Variants in ANKRD26 observed in about 807,000 individuals in gnomAD.
ANKRD26 encodes ankyrin repeat domain 26.
A neutral mutation model predicts 208.7 loss-of-function variants in ANKRD26; 141 were observed. The observed-to-expected ratio is 0.68, with a 90% CI of 0.59 to 0.78. The LOEUF is 0.78. Ranked by LOEUF, ANKRD26 falls within the 30% of genes least tolerant of loss-of-function variation. The pLI is 0.00. For synonymous variants in ANKRD26, 636 were observed against 660.4 expected, an observed-to-expected ratio of 0.96 and a Z score of 0.57; for missense variants, 1,889 against 1,938.7, an observed-to-expected ratio of 0.97 and a Z score of 0.48.
chr10:26,989,232 G>T (rs2134658778), downstream of ANKRD26, among the ~76,000 whole-genome samples: 1 of 152,134 alleles, frequency 6.6e-6, no homozygotes, highest in East Asian at 1.9e-4. Context: ...AATTTTGGGG[G>T]GGACTAAAGG....
chr10:27,090,878 T>C (rs1023123274), intron 4 of ANKRD26, among the ~76,000 whole-genome samples: 4 of 152,124 alleles, frequency 2.6e-5, no homozygotes, highest in African/African-American at 7.2e-5. Flanking sequence ...GGTGGATCAC[T>C]ACAGTCCAGG....
intron 12 of ANKRD26, among the ~76,000 whole-genome samples, chr10:27,062,965 A>G (rs976839793): frequency 1.3e-5 from 2 of 152,012 alleles, no homozygotes; most frequent in Admixed American, 1.3e-4. Flanking sequence ...ACGGGGTTTC[A>G]CCATGTTGGC....
downstream of ANKRD26, among the ~76,000 whole-genome samples, chr10:27,000,991 G>C (rs1375500361): frequency 6.6e-6 from 1 of 152,172 alleles, no homozygotes; most frequent in Non-Finnish European, 1.5e-5. Flanking sequence ...CTGGGCAACA[G>C]AGCGAGACTC....
At chr10:27,041,690 C>T (rs1417694886) in intron 20 of ANKRD26, among the ~76,000 whole-genome samples, 1 of 151,786 alleles carries the variant, frequency 6.6e-6, no homozygotes, top group Non-Finnish European at 1.5e-5. Flanking sequence ...GATTAACCAT[C>T]ACAAAAGAAA....
At chr10:26,990,163 T>C (rs1399778983), downstream of ANKRD26, among the ~76,000 whole-genome samples, 2 of 152,206 alleles carry the variant, frequency 1.3e-5, no homozygotes, top group Non-Finnish European at 2.9e-5. Flanking sequence ...GATTCCCTTC[T>C]AGGCCATTGT....
chr10:26,990,193 T>C (rs1342561594), downstream of ANKRD26, among the ~76,000 whole-genome samples: 1 of 152,130 alleles, frequency 6.6e-6, no homozygotes, highest in African/African-American at 2.4e-5. Flanking sequence ...TCTGCTTTGG[T>C]TATAGTTGTC....
chr10:27,014,971 A>G (rs1446470044), intron 30 of ANKRD26, among the ~76,000 whole-genome samples: 1 of 152,200 alleles, frequency 6.6e-6, no homozygotes, highest in African/African-American at 2.4e-5. Context: ...AATCAAAACA[A>G]TAAAGGCTGA....
At chr10:27,070,420 G>C (rs987440280) in intron 9 of ANKRD26, among the ~76,000 whole-genome samples, 4 of 151,964 alleles carry the variant, frequency 2.6e-5, no homozygotes, top group African/African-American at 9.7e-5. Flanking sequence ...AGAAAAGAAA[G>C]CTATGATTAT....
intron 6 of ANKRD26, among the ~76,000 whole-genome samples, chr10:27,079,655 A>C (rs749155225): frequency 2.0e-5 from 3 of 152,124 alleles, no homozygotes; most frequent in Non-Finnish European, 4.4e-5. Flanking sequence ...GGAGTTCGAG[A>C]TCAGCCTGGC....
chr10:27,006,991 G>A (rs1564348579), intron 32 of ANKRD26, 29 bp from the exon 33 acceptor site: 1 of 1,522,176 alleles, frequency 6.6e-7, no homozygotes, highest in Admixed American at 1.7e-5. Context: ...TATTTATAAT[G>A]TTTAAGTTAG....
the ANKRD26 span, among the ~76,000 whole-genome samples, chr10:26,960,989 C>A: frequency 2.0e-5 from 3 of 148,946 alleles, no homozygotes; most frequent in African/African-American, 7.4e-5. Flanking sequence ...GAGGCTGAGA[C>A]GGGCAGATCA....
chr10:27,067,117 T>G, intron 10 of ANKRD26, 40 bp downstream of exon 10: 1 of 1,604,304 alleles, frequency 6.2e-7, no homozygotes. Flanking sequence ...AGAATAGAAC[T>G]TAAGGATAGA....
chr10:27,079,304 G>T, intron 6 of ANKRD26, 143 bp from the exon 7 acceptor site: 1 of 697,720 alleles, frequency 1.4e-6, no homozygotes, highest in Non-Finnish European at 2.5e-6. Flanking sequence ...ATTAAATGAT[G>T]TTTCTTGATC....
intron 5 of ANKRD26, among the ~76,000 whole-genome samples, chr10:27,083,811 C>T (rs1402575155): frequency 6.6e-6 from 1 of 152,170 alleles, no homozygotes. Context: ...GCCAGCCATA[C>T]GGTTTTGTAA....
At chr10:26,996,897 T>C (rs532327758) in intron 4 of ANKRD26, among the ~76,000 whole-genome samples, 1 of 152,342 alleles carries the variant, frequency 6.6e-6, no homozygotes, top group South Asian at 2.1e-4. Context: ...TGTTTCCTTT[T>C]TCTGTCTTTA....
At chr10:26,959,949 C>A in the ANKRD26 span, among the ~76,000 whole-genome samples, 1 of 152,084 alleles carries the variant, frequency 6.6e-6, no homozygotes, top group Non-Finnish European at 1.5e-5. Flanking sequence ...CCTCTCCCAT[C>A]AAGAGGTGGT....
downstream of ANKRD26, chr10:27,004,003 C>G (rs188401767): frequency 2.0e-4 from 30 of 152,146 alleles, no homozygotes; most frequent in Non-Finnish European, 1.3e-4. Flanking sequence ...AACATTGAAC[C>G]AGTGTTAATA....
intron 5 of ANKRD26, among the ~76,000 whole-genome samples, chr10:27,084,338 A>G (rs1160770699): frequency 6.6e-6 from 1 of 152,136 alleles, no homozygotes; most frequent in Non-Finnish European, 1.5e-5. Context: ...ATAGAAATCA[A>G]TTAAAATACT....
At position 27,046,398 on chromosome 10, in the gene ANKRD26, A is replaced by G. The variant is rs368004242; in HGVS notation, c.1940T>C (p.Val647Ala). Residue 647 changes from valine (V) to alanine (A), a missense_variant, in exon 18 of 34, where the codon GTG (valine) becomes GCG (alanine). By Grantham distance (64) the Val-to-Ala change is moderately conservative. This residue lies in a region of ANKRD26 where 1,272 missense variants were observed against 1,273.8 expected (regional missense o/e 1.00). Coordinates refer to ENST00000376087, the MANE Select transcript of ANKRD26 (RefSeq NM_014915.3). ...ASLLTGGLLQ[V>A]DDDSSLSEID... ...TTCACTTAAACTGCTGTCATCATCC[A>G]CTTGTAGCAGGCCACCAGTTAGTAA... 2 of 1,613,972 alleles carry G rather than the reference A, an allele frequency of 1.2e-6. No individual in the cohort carries two copies. The highest frequency in any genetic ancestry group is 1.7e-6 in the Non-Finnish European group (2 of 1,180,000).
Sources: allele counts gnomAD v4.1 joint callset (sites outside exome capture counted in the v4.1 genomes callset), GRCh38; gene constraint gnomAD v4.1.1; regional missense constraint gnomAD v4.1.1; transcripts MANE v1.5; gene names NCBI Gene and HGNC (gene_info 2026-07-23, HGNC 2026-07-21).